Variants in GALK2 observed in about 807,000 individuals in gnomAD.
The protein encoded by GALK2 is galactokinase 2.
GALK2 carries 36 observed loss-of-function variants against 52.4 expected under a neutral mutation model. That is an observed-to-expected ratio of 0.69 (90% confidence interval 0.53 to 0.91). The LOEUF is 0.91. GALK2 is among the 40% of genes least tolerant of loss of function. GALK2 has a pLI of 0.00. For synonymous variants in GALK2, 176 were observed against 199.1 expected, an observed-to-expected ratio of 0.88 and a Z score of 0.98; for missense variants, 579 against 559.1, an observed-to-expected ratio of 1.04 and a Z score of -0.36.
In GALK2 at chr15:49,281,969, C is replaced by A. The variant is rs774203918; in HGVS notation, c.505-18C>A. On this transcript the variant is annotated intron_variant, in intron 5 of 9. Coordinates refer to ENST00000560031, the MANE Select transcript of GALK2 (RefSeq NM_002044.4). ...GGTTATGACTACTCACAGTACAAAT[C>A]AGTTTTTACCTTTCCAGGTGGAACT... is the stretch of plus-strand genomic sequence containing the variant. 1.3e-6 allele frequency: 2 copies of A among 1,584,208 alleles called. No individual in the cohort carries two copies. Among genetic ancestry groups the A allele is most frequent in the Non-Finnish European group, 8.7e-7 (1 of 1,154,572 alleles).
intron 5 of GALK2, among the ~76,000 whole-genome samples, chr15:49,277,778 G>C (rs1264767946): frequency 6.6e-6 from 1 of 151,530 alleles, no homozygotes; most frequent in Non-Finnish European, 1.5e-5. Context: ...CCTGCGGACA[G>C]AGTGAGACTC....
chr15:49,307,908 G>T (rs1056771493), intron 8 of GALK2, among the ~76,000 whole-genome samples: 10 of 152,232 alleles, frequency 6.6e-5, no homozygotes, highest in Middle Eastern at 3.4e-3. Context: ...ATCAGGTAAA[G>T]ATATTTTCCC....
chr15:49,353,615 T>G (rs920722225), intron 3 of GALK2: 866 of 54,920 alleles, frequency 0.016, 13 homozygotes, highest in African/African-American at 0.08. Flanking sequence ...AAAATAAGGG[T>G]TTTTTTTTTT....
At chr15:49,156,217 C>T (rs2084442593) in intron 1 of GALK2, 2 of 590,482 alleles carry the variant, frequency 3.4e-6, no homozygotes, top group Non-Finnish European at 6.0e-6. Flanking sequence ...CTCAGTTGTT[C>T]AACGAGTTGT....
chr15:49,327,902 C>G, intron 9 of GALK2, 50 bp from the exon 10 acceptor site: 5 of 1,551,548 alleles, frequency 3.2e-6, no homozygotes, highest in Non-Finnish European at 4.4e-6. Flanking sequence ...CAAGCAAATC[C>G]CTTGTATTTT....
At position 49,212,282 on chromosome 15, in the gene GALK2, G is replaced by T. The variant is rs561012534; in HGVS notation, c.143-4908G>T. ...TAATTTTTGTATTTTTAGTAGAGATGGGGTTTCACCCTGTTGGCCAGGCTG... is the reference window on the plus strand; with the variant it reads ...TAATTTTTGTATTTTTAGTAGAGATTGGGTTTCACCCTGTTGGCCAGGCTG... On this transcript the variant is annotated intron_variant, in intron 2 of 9. Coordinates refer to ENST00000560031, the MANE Select transcript of GALK2 (RefSeq NM_002044.4). Among the ~76,000 whole-genome samples, 17 of 152,044 alleles carry T rather than the reference G, an allele frequency of 1.1e-4. No individual in the cohort carries two copies. The South Asian group carries it at 3.5e-3, about 32-fold the overall frequency.
At chr15:49,247,601 A>C (rs2091412706) in intron 5 of GALK2, among the ~76,000 whole-genome samples, 1 of 152,230 alleles carries the variant, frequency 6.6e-6, no homozygotes, top group Non-Finnish European at 1.5e-5. Flanking sequence ...AGAGGTTGAA[A>C]TAATGTCTCC....
At chr15:49,322,788 T>G (rs1468715787) in intron 9 of GALK2, among the ~76,000 whole-genome samples, 2 of 151,970 alleles carry the variant, frequency 1.3e-5, no homozygotes, top group Non-Finnish European at 1.5e-5. Context: ...AAACCCCATC[T>G]CTATTAAAAA....
chr15:49,226,097 G>T (rs538375990), intron 3 of GALK2, among the ~76,000 whole-genome samples: 1 of 152,306 alleles, frequency 6.6e-6, no homozygotes, highest in Non-Finnish European at 1.5e-5. Flanking sequence ...GAGCGTTGGG[G>T]GATGGGCACC....
At chr15:49,322,075 T>TA (rs1362605516) in intron 9 of GALK2, among the ~76,000 whole-genome samples, 3 of 152,168 alleles carry the variant, frequency 2.0e-5, no homozygotes, top group African/African-American at 7.2e-5. Flanking sequence ...CCTATACATT[T>TA]AAAAAATATG....
intron 1 of GALK2, among the ~76,000 whole-genome samples, chr15:49,185,990 TTA>T (rs1410385180): frequency 1.3e-5 from 2 of 152,160 alleles, no homozygotes; most frequent in Non-Finnish European, 1.5e-5. Context: ...TGGAGCTCCT[TTA>T]TATGTTACTG....
At chr15:49,212,787 T>C (rs2089034714) in intron 2 of GALK2, among the ~76,000 whole-genome samples, 1 of 152,214 alleles carries the variant, frequency 6.6e-6, no homozygotes, top group Non-Finnish European at 1.5e-5. Context: ...TTTTTTACTT[T>C]CCAAGTGTTT....
chr15:49,216,943 A>G (rs2089424666), intron 2 of GALK2, among the ~76,000 whole-genome samples: 1 of 152,106 alleles, frequency 6.6e-6, no homozygotes, highest in Non-Finnish European at 1.5e-5. Context: ...AAAACCAGGT[A>G]CTGTGATTTT....
At chr15:49,284,783 T>A (rs1487610175) in intron 7 of GALK2, among the ~76,000 whole-genome samples, 1 of 152,212 alleles carries the variant, frequency 6.6e-6, no homozygotes, top group Non-Finnish European at 1.5e-5. Flanking sequence ...ACATAGACTT[T>A]GGCTTCCTGT....
At chr15:49,289,352 A>G (rs1037989725) in intron 7 of GALK2, among the ~76,000 whole-genome samples, 5 of 152,232 alleles carry the variant, frequency 3.3e-5, no homozygotes, top group African/African-American at 9.6e-5. Context: ...TAGTGCTGCC[A>G]TTGATAGGTT....
intron 1 of GALK2, among the ~76,000 whole-genome samples, chr15:49,174,580 G>A (rs2085319569): frequency 6.6e-6 from 1 of 152,068 alleles, no homozygotes; most frequent in Non-Finnish European, 1.5e-5. Flanking sequence ...TCCTGACCTC[G>A]TGATCTGCCT....
At chr15:49,301,665 T>A (rs2035128439) in intron 8 of GALK2, among the ~76,000 whole-genome samples, 1 of 152,136 alleles carries the variant, frequency 6.6e-6, no homozygotes, top group African/African-American at 2.4e-5. Context: ...TTGGGAGCAT[T>A]TCTTTTGGGA....
chr15:49,209,202 T>C (rs1314014018), intron 2 of GALK2, among the ~76,000 whole-genome samples: 1 of 152,236 alleles, frequency 6.6e-6, no homozygotes, highest in Non-Finnish European at 1.5e-5. Context: ...CTTGCGACTT[T>C]ACTGAATTTA....
At chr15:49,189,222 A>G (rs909147354) in intron 1 of GALK2, among the ~76,000 whole-genome samples, 1 of 152,238 alleles carries the variant, frequency 6.6e-6, no homozygotes, top group African/African-American at 2.4e-5. Flanking sequence ...TTTATTTAAC[A>G]TGCTCTTTTA....
Sources: allele counts gnomAD v4.1 joint callset (sites outside exome capture counted in the v4.1 genomes callset), GRCh38; gene constraint gnomAD v4.1.1; transcripts MANE v1.5; gene names NCBI Gene and HGNC (gene_info 2026-07-23, HGNC 2026-07-21).